The following KTN1 variants were observed in gnomAD, a reference collection of about 807,000 sequenced individuals.
KTN1 encodes the protein kinectin 1, also known as kinectin.
A neutral mutation model predicts 222.5 loss-of-function variants in KTN1; 130 were observed. The ratio of observed to expected loss-of-function variants is 0.58; its 90% CI spans 0.51 to 0.68. The LOEUF (loss-of-function observed/expected upper bound fraction) is 0.68. Among genes scored for constraint, KTN1 ranks in the 30% least tolerant of loss-of-function variants. The probability of loss-of-function intolerance (pLI) is 0.00; values close to 1 mark genes in which losing one functional copy is unlikely to be tolerated. For missense variants in KTN1, 1,508 were observed against 1,500.4 expected (o/e 1.01, Z -0.08); for synonymous variants, 512 against 496.3 (o/e 1.03, Z -0.42).
In KTN1 at chr14:55,639,373, T is replaced by C. The variant is rs1186188579; in HGVS notation, c.1823+151T>C. On this transcript the variant is annotated intron_variant, in intron 13 of 43. Transcript: ENST00000395314. ...TGGAGCAACTTTTGCTTTTTTTTTTTTTTTTTCCTTTTTCCCATTAGTGAG... is the reference window on the plus strand; with the variant it reads ...TGGAGCAACTTTTGCTTTTTTTTTTCTTTTTTCCTTTTTCCCATTAGTGAG... 3.4e-5 allele frequency: 17 copies of C among 506,818 alleles called. No individual in the cohort carries two copies. The East Asian group carries it at 5.0e-4, about 15-fold the overall frequency. 31.4% of individuals were successfully genotyped at this position (506,818 alleles called of 1,614,324 possible).
rs140464911 is a variant in KTN1, at chr14:55,641,711, A to T, written c.2123A>T (p.Lys708Ile). 6.6e-4 allele frequency: 1,055 copies of T among 1,601,572 alleles called. No individual in the cohort carries two copies. The highest frequency in any genetic ancestry group is 1.8e-3 in the Middle Eastern group (11 of 6,028). ...TTCCAGATTCTAAATGACCAAAACA[A>T]AGCATTAAAATCAGAAGTTCAGAAG... ...EEFKILNDQN[K>I]ALKSEVQKLQ... The change falls in exon 18 of 44, where the codon AAA (lysine) becomes ATA (isoleucine). Residue 708 changes from lysine to isoleucine, a missense_variant. Transcript: ENST00000395314.
chr14:55,657,929 T>TA (rs1466291577), intron 29 of KTN1, among the ~76,000 whole-genome samples: 1 of 151,904 alleles, frequency 6.6e-6, no homozygotes, highest in South Asian at 2.1e-4. Flanking sequence ...AAAAAAAAAT[T>TA]ACATTTTCTT....
At chr14:55,616,250 G>A (rs558710856) in intron 2 of KTN1, among the ~76,000 whole-genome samples, 1 of 152,064 alleles carries the variant, frequency 6.6e-6, no homozygotes, top group South Asian at 2.1e-4. Context: ...GCACCTTGCT[G>A]TTTATTTTTT....
At chr14:55,604,944 T>C (rs905506907) in intron 1 of KTN1, among the ~76,000 whole-genome samples, 3 of 152,184 alleles carry the variant, frequency 2.0e-5, no homozygotes, top group Non-Finnish European at 4.4e-5. Flanking sequence ...TACTGCTGAT[T>C]TTTCCCACTT....
chr14:55,595,734 C>T (rs2034909944), intron 1 of KTN1, among the ~76,000 whole-genome samples: 2 of 152,292 alleles, frequency 1.3e-5, no homozygotes, highest in South Asian at 2.1e-4. Context: ...AATCTTGTCT[C>T]CAAGGATAGC....
At chr14:55,587,452 A>T (rs1354381227) in intron 1 of KTN1, among the ~76,000 whole-genome samples, 2 of 152,164 alleles carry the variant, frequency 1.3e-5, no homozygotes, top group Non-Finnish European at 2.9e-5. Flanking sequence ...TTGTGTTTAG[A>T]TCTAATTACC....
At chr14:55,604,087 T>A (rs1399352992) in intron 1 of KTN1, among the ~76,000 whole-genome samples, 2 of 152,214 alleles carry the variant, frequency 1.3e-5, no homozygotes, top group African/African-American at 2.4e-5. Flanking sequence ...TTTCCCATAT[T>A]ACTGAGAGTG....
At chr14:55,633,914 G>A (rs538067774) in intron 8 of KTN1, among the ~76,000 whole-genome samples, 22 of 152,218 alleles carry the variant, frequency 1.4e-4, no homozygotes, top group African/African-American at 5.1e-4. Context: ...CGAGGCAGGC[G>A]GATCACCTGA....
At chr14:55,666,635 T>G (rs1394213536) in intron 33 of KTN1, among the ~76,000 whole-genome samples, 1 of 151,938 alleles carries the variant, frequency 6.6e-6, no homozygotes, top group African/African-American at 2.4e-5. Flanking sequence ...CTAGTTTTTA[T>G]GATGTGTGGC....
chr14:55,593,446 C>CAAA (rs1555357161), intron 1 of KTN1, among the ~76,000 whole-genome samples: 6 of 120,580 alleles, frequency 5.0e-5, no homozygotes, highest in South Asian at 2.9e-4. Flanking sequence ...ACCCCCCCCC[C>CAAA]AAAAAAAAAA....
chr14:55,650,051 A>G (rs2042788863), intron 22 of KTN1, among the ~76,000 whole-genome samples: 1 of 152,002 alleles, frequency 6.6e-6, no homozygotes, highest in South Asian at 2.1e-4. Context: ...GTATAGTTGA[A>G]TGGAACTTGA....
At chr14:55,667,373 A>G in intron 34 of KTN1, 43 bp downstream of exon 34, 1 of 1,205,658 alleles carries the variant, frequency 8.3e-7, no homozygotes, top group Non-Finnish European at 1.2e-6. Flanking sequence ...GACATTATTC[A>G]AGAAAGGTGT....
Position 55,637,996 on chromosome 14 carries a change from C to T in KTN1, c.1785+149C>T, listed in dbSNP as rs1248540811. The T allele has an allele frequency of 5.2e-6, 3 of 577,080 alleles. No homozygotes were observed. The South Asian group carries it at 7.9e-5, about 15-fold the overall frequency. The allele number at this position is 577,080 out of a possible 1,614,324, so 35.7% of individuals were successfully genotyped here. On this transcript the variant is annotated intron_variant, in intron 12 of 43. Transcript: ENST00000395314. ...GATGATCCTGAGTGCTAAACACTTG[C>T]TAATTATGTACGGTGCTGAGGGAAA...
Position 55,619,231 on chromosome 14 carries a change from G to A in KTN1, c.882G>A (p.Met294Ile), listed in dbSNP as rs1594882612. 5 of 1,607,866 alleles carry A rather than the reference G, an allele frequency of 3.1e-6. No homozygotes were observed. The highest frequency in any genetic ancestry group is 4.3e-6 in the Non-Finnish European group (5 of 1,174,680). Residue 294 changes from methionine (M) to isoleucine (I), a missense_variant, in exon 5 of 44, where the codon ATG becomes ATA. Physicochemically the swap from Met to Ile is conservative, Grantham distance 10 (BLOSUM62 1). Transcript: ENST00000395314. ...FKDFLLSLKT[M>I]MFSEDEALCV... ...ATTTTCTTCTGTCCTTGAAGACTAT[G>A]ATGTTTTCTGAAGATGAGGCTCTTT...
intron 29 of KTN1, 63 bp downstream of exon 29, chr14:55,656,195 A>G: frequency 8.7e-7 from 1 of 1,150,608 alleles, no homozygotes. Context: ...CTTTAAAATA[A>G]TTTTTAACTG....
intron 1 of KTN1, among the ~76,000 whole-genome samples, chr14:55,593,448 A>ACCC (rs2034497729): frequency 3.1e-5 from 4 of 129,136 alleles, no homozygotes; most frequent in Admixed American, 7.7e-5. Flanking sequence ...CCCCCCCCCA[A>ACCC]AAAAAAAAAA....
chr14:55,670,937 G>A, intron 35 of KTN1, 128 bp downstream of exon 35: 2 of 553,204 alleles, frequency 3.6e-6, no homozygotes, highest in East Asian at 3.2e-5. Flanking sequence ...GTGTAAGAAG[G>A]TGATTTCATT....
intron 37 of KTN1, 134 bp from the exon 38 acceptor site, chr14:55,672,496 T>C: frequency 1.7e-6 from 1 of 576,742 alleles, no homozygotes; most frequent in Non-Finnish European, 3.1e-6. Context: ...TAAGGTCTTT[T>C]AAAATTCATC....
At chr14:55,651,611 A>G in intron 24 of KTN1, 1 of 414,872 alleles carries the variant, frequency 2.4e-6, no homozygotes, top group Non-Finnish European at 4.4e-6. Context: ...TCTCCATCCC[A>G]CTGCTTCACT....
Sources: allele counts gnomAD v4.1 joint callset (sites outside exome capture counted in the v4.1 genomes callset), GRCh38; gene constraint gnomAD v4.1.1; transcripts MANE v1.5; gene names NCBI Gene and HGNC (gene_info 2026-07-23, HGNC 2026-07-21).